The following CFDP1 variants were observed in gnomAD, a reference collection of about 807,000 sequenced individuals.
CFDP1 encodes heterochromatin-stabilizing protein CFDP1.
CFDP1 carries 31 observed loss-of-function variants against 40.1 expected under a neutral mutation model. The observed-to-expected ratio is 0.77, with a 90% CI of 0.58 to 1.04. The LOEUF is 1.04. Ranked by LOEUF, CFDP1 falls within the 50% of genes least tolerant of loss-of-function variation. The pLI is 0.00. For missense variants in CFDP1, 423 were observed against 343.4 expected, an observed-to-expected ratio of 1.23 and a Z score of -1.83; for synonymous variants, 167 against 120.0, an observed-to-expected ratio of 1.39 and a Z score of -2.56.
intron 1 of CFDP1, among the ~76,000 whole-genome samples, chr16:75,422,126 C>T (rs982733854): frequency 1.5e-4 from 23 of 152,076 alleles, no homozygotes; most frequent in Non-Finnish European, 2.4e-4. Context: ...GACGGAGTTT[C>T]GCTCTTTTTG....
chr16:75,415,916 G>A (rs562356532), intron 1 of CFDP1, among the ~76,000 whole-genome samples: 12 of 152,174 alleles, frequency 7.9e-5, no homozygotes, highest in African/African-American at 2.6e-4. Flanking sequence ...GCAGTGGCGC[G>A]ATCTTGGCTC....
At chr16:75,311,504 A>G (rs1215100535) in intron 5 of CFDP1, among the ~76,000 whole-genome samples, 3 of 152,084 alleles carry the variant, frequency 2.0e-5, no homozygotes, top group Non-Finnish European at 2.9e-5. Flanking sequence ...ACTTTTTCTC[A>G]TAACAAAATA....
chr16:75,414,104 A>G (rs2079184659), intron 2 of CFDP1, among the ~76,000 whole-genome samples: 3 of 152,204 alleles, frequency 2.0e-5, no homozygotes, highest in Admixed American at 2.0e-4. Context: ...CACATAACGT[A>G]ATACTATGAA....
At chr16:75,311,370 T>G (rs2078291643) in intron 5 of CFDP1, among the ~76,000 whole-genome samples, 1 of 152,222 alleles carries the variant, frequency 6.6e-6, no homozygotes, top group South Asian at 2.1e-4. Context: ...CTCGAACTCC[T>G]GGCCTCAATC....
At chr16:75,375,604 T>C (rs1399925980) in intron 5 of CFDP1, among the ~76,000 whole-genome samples, 1 of 151,956 alleles carries the variant, frequency 6.6e-6, no homozygotes, top group Non-Finnish European at 1.5e-5. Context: ...CCACTCTGAC[T>C]AATATGATGA....
At chr16:75,391,473 A>T (rs1240106057) in intron 5 of CFDP1, 3 of 152,266 alleles carry the variant, frequency 2.0e-5, no homozygotes, top group Non-Finnish European at 4.4e-5. Context: ...TGTGAAATCA[A>T]TTCAGCAGGT....
At position 75,333,431 on chromosome 16, in the gene CFDP1, T is replaced by A. The variant is rs1054259771; in HGVS notation, c.651-28249A>T. 5.9e-5 allele frequency among the ~76,000 whole-genome samples: 9 copies of A among 152,258 alleles called. No homozygotes were observed. In the South Asian group the frequency reaches 8.3e-4, roughly 14 times the overall value. ...AGCCACCACACCCAGCCTATTCATGTTCTTAATGACATCTTTCGATGGGCA... is the reference window on the plus strand; with the variant it reads ...AGCCACCACACCCAGCCTATTCATGATCTTAATGACATCTTTCGATGGGCA... On this transcript the variant is annotated intron_variant, in intron 5 of 6. Coordinates refer to ENST00000283882, the MANE Select transcript of CFDP1 (RefSeq NM_006324.3).
intron 6 of CFDP1, among the ~76,000 whole-genome samples, chr16:75,304,599 A>G (rs1295253884): frequency 1.3e-5 from 2 of 152,218 alleles, no homozygotes; most frequent in African/African-American, 4.8e-5. Context: ...ACAAAAAAAA[A>G]TTCACAATAA....
chr16:75,349,339 A>G (rs928037391), intron 5 of CFDP1, among the ~76,000 whole-genome samples: 2 of 151,576 alleles, frequency 1.3e-5, no homozygotes, highest in African/African-American at 4.8e-5. Flanking sequence ...GTGAACTCCC[A>G]TCTCCACTAA....
chr16:75,407,991 G>A lies in CFDP1; in HGVS notation c.530+3834C>T, dbSNP rs745543518. ...GCGTGGTGTATGCCTATAGTCCCAC[G>A]CACTCGGCAGGCTGAGGTGGGAGAA... On this transcript the variant is annotated intron_variant, in intron 4 of 6. Coordinates refer to ENST00000283882, the MANE Select transcript of CFDP1 (RefSeq NM_006324.3). Among the ~76,000 whole-genome samples, 11 of 151,856 alleles carry A rather than the reference G, an allele frequency of 7.2e-5. No individual in the cohort carries two copies. In the East Asian group the frequency reaches 7.8e-4, roughly 11 times the overall value.
At chr16:75,313,984 A>G (rs566817407) in intron 5 of CFDP1, among the ~76,000 whole-genome samples, 9 of 152,124 alleles carry the variant, frequency 5.9e-5, no homozygotes, top group African/African-American at 2.2e-4. Flanking sequence ...GCCGGGGTTC[A>G]AGCAGTTCTT....
At chr16:75,428,943 C>G (rs1041350447) in intron 1 of CFDP1, among the ~76,000 whole-genome samples, 2 of 151,468 alleles carry the variant, frequency 1.3e-5, no homozygotes, top group Non-Finnish European at 2.9e-5. Flanking sequence ...GGTGAAATCC[C>G]GTCTCTACTA....
At chr16:75,372,018 A>C (rs1370376540) in intron 5 of CFDP1, among the ~76,000 whole-genome samples, 1 of 152,208 alleles carries the variant, frequency 6.6e-6, no homozygotes, top group Admixed American at 6.5e-5. Context: ...AAACAGCTCT[A>C]TGAAGTAGGA....
intron 5 of CFDP1, among the ~76,000 whole-genome samples, chr16:75,312,589 CGT>C: frequency 6.6e-6 from 1 of 152,220 alleles, no homozygotes; most frequent in South Asian, 2.1e-4. Flanking sequence ...ATCTTTATAA[CGT>C]GTGTCTAAAA....
chr16:75,386,497 G>C (rs1042791354), intron 5 of CFDP1, among the ~76,000 whole-genome samples: 2 of 152,232 alleles, frequency 1.3e-5, no homozygotes, highest in African/African-American at 4.8e-5. Context: ...GGCCCAGGCA[G>C]GTGGATTGCT....
chr16:75,304,225 T>C (rs1180849211), intron 6 of CFDP1, among the ~76,000 whole-genome samples: 2 of 152,108 alleles, frequency 1.3e-5, no homozygotes, highest in Non-Finnish European at 1.5e-5. Context: ...TGCACCACTA[T>C]GCCTGGCTAA....
chr16:75,316,282 G>T (rs945484532), intron 5 of CFDP1, among the ~76,000 whole-genome samples: 4 of 152,146 alleles, frequency 2.6e-5, no homozygotes, highest in African/African-American at 4.8e-5. Flanking sequence ...TGTAATTCAT[G>T]TATAATATGT....
Position 75,396,238 on chromosome 16 carries a change from TA to T in CFDP1, c.531-1030del, listed in dbSNP as rs1168277407. Among the ~76,000 whole-genome samples the T allele has an allele frequency of 2.1e-3, 202 of 97,776 alleles. 42 individuals are homozygous for T. Among genetic ancestry groups the T allele is most frequent in the African/African-American group, 5.2e-3 (173 of 33,376 alleles). The allele number at this position is 97,776 out of a possible 152,430, so 64.1% of individuals were successfully genotyped here. A position where few individuals can be genotyped will look rare whatever the true frequency, so the allele number is the denominator to read the frequency against. On this transcript the variant is annotated intron_variant, in intron 4 of 6. Coordinates refer to ENST00000283882, the MANE Select transcript of CFDP1 (RefSeq NM_006324.3). ...CTATTTCAAGGAGAAAAACAAGAGT[TA>T]AAAAAAAAAATTTGAGGAGACCAGG...
chr16:75,367,587 G>C (rs578182255), intron 5 of CFDP1, among the ~76,000 whole-genome samples: 1 of 151,996 alleles, frequency 6.6e-6, no homozygotes, highest in Non-Finnish European at 1.5e-5. Context: ...GAGGATAGGA[G>C]TTCAAGACCA....
Sources: gnomAD v4.1 joint callset for allele counts (sites outside exome capture counted in the v4.1 genomes callset) on GRCh38, gnomAD v4.1.1 for gene constraint, MANE v1.5 for transcripts, NCBI Gene and HGNC (gene_info 2026-07-23, HGNC 2026-07-21) for gene names.